Variants in FANK1 observed in about 807,000 individuals in gnomAD.
FANK1 encodes fibronectin type III and ankyrin repeat domains 1, also known as fibronectin type 3 and ankyrin repeat domains protein 1.
FANK1 carries 44 observed loss-of-function variants against 45.3 expected under a neutral mutation model. The observed-to-expected ratio is 0.97, with a 90% confidence interval of 0.76 to 1.25. The LOEUF (loss-of-function observed/expected upper bound fraction) is 1.25. Among genes scored for constraint, FANK1 ranks in the 50% most tolerant of loss-of-function variants. The probability of loss-of-function intolerance (pLI) is 0.00; values close to 1 mark genes in which losing one functional copy is unlikely to be tolerated. For missense variants in FANK1, 391 were observed against 424.4 expected (o/e 0.92, Z 0.69); for synonymous variants, 149 against 152.5 (o/e 0.98, Z 0.17).
intron 1 of FANK1, among the ~76,000 whole-genome samples, chr10:125,914,083 A>G (rs111302316): frequency 0.015 from 2,261 of 152,156 alleles, 53 homozygotes; most frequent in African/African-American, 0.05. Context: ...ATTAAGAACC[A>G]TTAGAACTCT....
intron 1 of FANK1, among the ~76,000 whole-genome samples, chr10:125,970,404 C>A (rs577855125): frequency 6.6e-6 from 1 of 151,794 alleles, no homozygotes; most frequent in Non-Finnish European, 1.5e-5. Context: ...CAGGCAGAGA[C>A]GCTCCTCACT....
intron 1 of FANK1, among the ~76,000 whole-genome samples, chr10:125,976,216 G>A (rs897813368): frequency 4.0e-5 from 6 of 151,404 alleles, no homozygotes; most frequent in African/African-American, 1.5e-4. Flanking sequence ...CTTTGTAAGT[G>A]ACCTGCCCTT....
chr10:125,991,803 A>G (rs1951961783), intron 3 of FANK1, among the ~76,000 whole-genome samples: 1 of 152,230 alleles, frequency 6.6e-6, no homozygotes, highest in African/African-American at 2.4e-5. Context: ...ATAAAGACTT[A>G]AAATTCCACC....
chr10:125,943,326 T>A (rs1948572346), intron 1 of FANK1, among the ~76,000 whole-genome samples: 1 of 152,328 alleles, frequency 6.6e-6, no homozygotes, highest in African/African-American at 2.4e-5. Flanking sequence ...CTTTGGTAAC[T>A]TTTAAAATAT....
intron 1 of FANK1, among the ~76,000 whole-genome samples, chr10:125,955,507 G>A (rs1002873468): frequency 6.6e-6 from 1 of 152,066 alleles, no homozygotes; most frequent in Non-Finnish European, 1.5e-5. Context: ...TTCAGACAGG[G>A]TCTTGCTGTG....
chr10:125,987,147 A>G (rs1033612266), intron 2 of FANK1, among the ~76,000 whole-genome samples: 2 of 152,044 alleles, frequency 1.3e-5, no homozygotes, highest in Non-Finnish European at 2.9e-5. Flanking sequence ...CTTGGACCCC[A>G]TCAGTAGGAA....
intron 1 of FANK1, among the ~76,000 whole-genome samples, chr10:125,940,650 G>T (rs2134152948): frequency 6.6e-6 from 1 of 152,098 alleles, no homozygotes; most frequent in East Asian, 1.9e-4. Flanking sequence ...CCTCAGCACG[G>T]ATCATTTACA....
intron 1 of FANK1, among the ~76,000 whole-genome samples, chr10:125,971,131 A>G (rs1026496914): frequency 1.3e-5 from 2 of 152,196 alleles, no homozygotes; most frequent in Non-Finnish European, 2.9e-5. Context: ...AGTATATACA[A>G]TCTTTTCAGA....
intron 1 of FANK1, among the ~76,000 whole-genome samples, chr10:125,964,797 A>G (rs534085044): frequency 6.6e-6 from 1 of 152,324 alleles, no homozygotes; most frequent in South Asian, 2.1e-4. Flanking sequence ...AGCCTTGCCA[A>G]CTTGTTTTCC....
At chr10:125,932,307 A>C (rs1226956684) in intron 1 of FANK1, among the ~76,000 whole-genome samples, 7 of 152,154 alleles carry the variant, frequency 4.6e-5, no homozygotes. Context: ...CATCATTTTC[A>C]CAATATTGAT....
rs1156446362 is a variant in FANK1, at chr10:125,918,556, C to CAAAAAAAAAA, written c.13+21922_13+21931dup. Reference sequence around the variant, plus strand: ...CTGGTGACAGAGCAAGCCTCTGTCTCAAAAAAAAAAAAAAAAAAAAAAAAA... The same window carrying CAAAAAAAAAA: ...CTGGTGACAGAGCAAGCCTCTGTCTCAAAAAAAAAAAAAAAAAAAAAAAAAAAAAAAAAAA... On this transcript the variant is annotated intron_variant, in intron 1 of 10. Coordinates refer to ENST00000368693, the MANE Select transcript of FANK1 (RefSeq NM_145235.5). Among the ~76,000 whole-genome samples, 4 of 7,102 alleles carry CAAAAAAAAAA rather than the reference C, an allele frequency of 5.6e-4. 2 individuals are homozygous for CAAAAAAAAAA. Among genetic ancestry groups the CAAAAAAAAAA allele is most frequent in the Non-Finnish European group, 6.0e-4 (2 of 3,324 alleles). 4.7% of individuals were successfully genotyped at this position (7,102 alleles called of 152,430 possible). A position where few individuals can be genotyped will look rare whatever the true frequency, so the allele number is the denominator to read the frequency against.
chr10:126,005,141 C>G, intron 7 of FANK1, 92 bp downstream of exon 7: 1 of 1,441,326 alleles, frequency 6.9e-7, no homozygotes, highest in Non-Finnish European at 9.3e-7. Context: ...CTTTGATTAG[C>G]TAACCTTAGA....
intron 1 of FANK1, among the ~76,000 whole-genome samples, chr10:125,937,326 A>G (rs11812125): frequency 0.014 from 2,057 of 152,294 alleles, 44 homozygotes; most frequent in African/African-American, 0.047. Context: ...CTCTTTACTG[A>G]CACTTGGTAT....
intron 1 of FANK1, among the ~76,000 whole-genome samples, chr10:125,897,553 C>G (rs1472382213): frequency 6.6e-6 from 1 of 152,280 alleles, no homozygotes. Flanking sequence ...AGAACTCAGA[C>G]CAAATCTATT....
chr10:125,947,527 A>T (rs981179683), intron 1 of FANK1, among the ~76,000 whole-genome samples: 2,421 of 151,052 alleles, frequency 0.016, 67 homozygotes, highest in African/African-American at 0.056. Context: ...AGGCCATTAC[A>T]TAATGGTAAA....
intron 1 of FANK1, among the ~76,000 whole-genome samples, chr10:125,971,923 G>C (rs779050539): frequency 7.9e-5 from 12 of 152,072 alleles, no homozygotes; most frequent in Non-Finnish European, 1.6e-4. Flanking sequence ...CACTGCGCCC[G>C]GCCGCTCCGG....
intron 3 of FANK1, among the ~76,000 whole-genome samples, chr10:125,993,134 A>G (rs565125458): frequency 6.6e-6 from 1 of 152,338 alleles, no homozygotes; most frequent in South Asian, 2.1e-4. Flanking sequence ...GCCTACGTAC[A>G]GCTTAATTCA....
At chr10:125,918,662 G>T (rs1946690085) in intron 1 of FANK1, among the ~76,000 whole-genome samples, 2 of 132,254 alleles carry the variant, frequency 1.5e-5, no homozygotes, top group Admixed American at 8.1e-5. Context: ...TTTACCATTT[G>T]ATCACCTATT....
intron 1 of FANK1, among the ~76,000 whole-genome samples, chr10:125,930,078 G>A (rs1160135496): frequency 2.0e-5 from 3 of 151,780 alleles, no homozygotes; most frequent in African/African-American, 4.8e-5. Flanking sequence ...TTTTTGTGAC[G>A]AGGTCTTGCT....
Sources: gnomAD v4.1 joint callset for allele counts (sites outside exome capture counted in the v4.1 genomes callset) on GRCh38, gnomAD v4.1.1 for gene constraint, MANE v1.5 for transcripts, NCBI Gene and HGNC (gene_info 2026-07-23, HGNC 2026-07-21) for gene names.